Variants in KIF5B observed in about 807,000 individuals in gnomAD.
KIF5B encodes the protein kinesin family member 5B.
A neutral mutation model predicts 132.8 loss-of-function variants in KIF5B; 49 were observed. The ratio of observed to expected loss-of-function variants is 0.37; its 90% CI spans 0.29 to 0.47. The LOEUF is 0.47. Ranked by LOEUF, KIF5B falls within the 20% of genes least tolerant of loss-of-function variation. The pLI, the probability that KIF5B is intolerant of heterozygous loss-of-function variation, is 1.00. For missense variants in KIF5B, 780 were observed against 1,144.0 expected (o/e 0.68, Z 4.59); for synonymous variants, 355 against 369.4 (o/e 0.96, Z 0.45).
At chr10:32,030,594 G>T (rs1841391128) in intron 14 of KIF5B, among the ~76,000 whole-genome samples, 1 of 151,794 alleles carries the variant, frequency 6.6e-6, no homozygotes, top group East Asian at 1.9e-4. Flanking sequence ...TAGTGGAAAT[G>T]TAACAGTAAG....
intron 15 of KIF5B, among the ~76,000 whole-genome samples, chr10:32,024,146 CTTTTTT>C (rs769483155): frequency 1.0e-4 from 7 of 69,750 alleles, no homozygotes; most frequent in South Asian, 6.1e-4. Context: ...ATGAAGAACT[CTTTTTT>C]TTTTTTTTTT....
Position 32,011,264 on chromosome 10 carries a change from CTG to C in KIF5B, c.*271_*272del, listed in dbSNP as rs1207752394. 6.6e-6 allele frequency: 1 copy of C among 152,586 alleles called. No homozygotes were observed. Among genetic ancestry groups the C allele is most frequent in the Admixed American group, 6.5e-5 (1 of 15,278 alleles). The allele number at this position is 152,586 out of a possible 1,614,324, so 9.5% of individuals were successfully genotyped here. A position where few individuals can be genotyped will look rare whatever the true frequency, so the allele number is the denominator to read the frequency against. On this transcript the variant is annotated 3_prime_UTR_variant, in exon 26 of 26. Coordinates refer to ENST00000302418, the MANE Select transcript of KIF5B (RefSeq NM_004521.3). ...CTAAATTTAAGACACGATAGACAAA[CTG>C]TGTAATAAATAGGGCCACAGTTGTA... is the stretch of plus-strand genomic sequence containing the variant.
At chr10:32,017,611 G>A (rs1325134252) in intron 23 of KIF5B, among the ~76,000 whole-genome samples, 1 of 152,106 alleles carries the variant, frequency 6.6e-6, no homozygotes, top group East Asian at 1.9e-4. Context: ...ACTAGGCAAA[G>A]ACAATACATT....
intron 10 of KIF5B, 148 bp downstream of exon 10, chr10:32,035,374 C>T: frequency 1.8e-6 from 1 of 569,662 alleles, no homozygotes; most frequent in Non-Finnish European, 2.9e-6. Context: ...AAAATCAGAC[C>T]CACCTTGTAT....
At position 32,010,744 on chromosome 10, in the gene KIF5B, C is replaced by A. The variant is rs1239044469; in HGVS notation, c.*793G>T. 6 of 152,058 alleles carry A rather than the reference C, an allele frequency of 3.9e-5. No homozygotes were observed. The allele number at this position is 152,058 out of a possible 1,614,324, so 9.4% of individuals were successfully genotyped here. A position where few individuals can be genotyped will look rare whatever the true frequency, so the allele number is the denominator to read the frequency against. The stretch of plus-strand genomic sequence containing the variant: ...CATCAAGACTTGTTGAGTACAGAAT[C>A]AGGAAAAAGAGAAATATAATTCCTT... On this transcript the variant is annotated 3_prime_UTR_variant, in exon 26 of 26. Transcript: ENST00000302418.
intron 19 of KIF5B, among the ~76,000 whole-genome samples, chr10:32,020,401 A>C (rs1433294348): frequency 1.3e-5 from 2 of 152,022 alleles, no homozygotes; most frequent in Non-Finnish European, 2.9e-5. Context: ...AAAACCTTTG[A>C]AAATCCATAG....
At chr10:32,040,573 T>A (rs1336770759) in intron 2 of KIF5B, 116 bp from the exon 3 acceptor site, 5 of 641,950 alleles carry the variant, frequency 7.8e-6, no homozygotes, top group Middle Eastern at 3.6e-4. Flanking sequence ...AATTACTTAA[T>A]GTTACAGGAA....
chr10:32,019,871 G>T lies in KIF5B; in HGVS notation c.2293C>A (p.Leu765Ile). Residue 765 changes from leucine (L) to isoleucine (I), a missense_variant, in exon 20 of 26, where the codon CTA (leucine) becomes ATA (isoleucine). Leu to Ile is a conservative substitution (Grantham distance 5). Transcript: ENST00000302418. ...ACAATTACTCACGTAAGTTCATGTA[G>T]TTTTCTGCTCTTTTCCTGATCTGTG... is the stretch of plus-strand genomic sequence containing the variant. ...KATDQEKSRK[L>I]HELTVMQDRR... The T allele has an allele frequency of 6.2e-7, 1 of 1,603,062 alleles. No individual in the cohort carries two copies. Among genetic ancestry groups the T allele is most frequent in the Non-Finnish European group, 8.5e-7 (1 of 1,173,008 alleles).
Position 32,011,350 on chromosome 10 carries a change from G to C in KIF5B, c.*187C>G, listed in dbSNP as rs1382601055. 1 of 152,564 alleles carries C rather than the reference G, an allele frequency of 6.6e-6. No individual in the cohort carries two copies. The highest frequency in any genetic ancestry group is 2.4e-5 in the African/African-American group (1 of 41,418). The allele number at this position is 152,564 out of a possible 1,614,324, so 9.5% of individuals were successfully genotyped here. A position where few individuals can be genotyped will look rare whatever the true frequency, so the allele number is the denominator to read the frequency against. On this transcript the variant is annotated 3_prime_UTR_variant, in exon 26 of 26. Coordinates refer to ENST00000302418, the MANE Select transcript of KIF5B (RefSeq NM_004521.3). ...TGCACTCTAGTTGTGTTGGGAAGCA[G>C]CAGAGTTTACAAGAAGAGTAGGTAG...
intron 2 of KIF5B, among the ~76,000 whole-genome samples, chr10:32,045,671 A>C (rs984065416): frequency 2.0e-5 from 3 of 152,240 alleles, no homozygotes; most frequent in African/African-American, 4.8e-5. Context: ...GGAAATAAGT[A>C]TACCAAAATT....
intron 10 of KIF5B, among the ~76,000 whole-genome samples, chr10:32,035,213 G>T (rs1483907532): frequency 6.6e-6 from 1 of 152,100 alleles, no homozygotes; most frequent in Non-Finnish European, 1.5e-5. Flanking sequence ...ATGTCTACAG[G>T]CTTAACAGAG....
Position 32,028,567 on chromosome 10 carries a change from G to C in KIF5B, c.1586C>G (p.Thr529Ser). 1.2e-6 allele frequency: 2 copies of C among 1,609,042 alleles called. No individual in the cohort carries two copies. Among genetic ancestry groups the C allele is most frequent in the Non-Finnish European group, 1.7e-6 (2 of 1,178,292 alleles). Residue 529 changes from threonine to serine, a missense_variant, in exon 15 of 26, where the codon ACT (threonine) becomes AGT (serine). Coordinates refer to ENST00000302418, the MANE Select transcript of KIF5B (RefSeq NM_004521.3). ...LSDELNQKSATLASIDAELQK... is the reference protein window; with the variant it reads ...LSDELNQKSASLASIDAELQK... ...AAGCTCAGCATCTATACTCGCTAAA[G>C]TTGCCTAAGAGAACCCAAAACAAAA...
intron 12 of KIF5B, 152 bp downstream of exon 12, chr10:32,033,693 A>G: frequency 1.8e-6 from 1 of 546,534 alleles, no homozygotes; most frequent in South Asian, 2.7e-5. Context: ...TATTTTGTTA[A>G]TACAATAATT....
chr10:32,043,047 GCGCAACCTCGGCTCAC>G (rs1397346407), intron 2 of KIF5B, among the ~76,000 whole-genome samples: 1 of 151,928 alleles, frequency 6.6e-6, no homozygotes, highest in African/African-American at 2.4e-5. Context: ...GAGTGCAGTG[GCGCAACCTCGGCTCAC>G]TGCAACCTCG....
chr10:32,014,526 AAACT>A (rs1232537210), intron 25 of KIF5B, among the ~76,000 whole-genome samples: 2 of 151,200 alleles, frequency 1.3e-5, no homozygotes, highest in Non-Finnish European at 2.9e-5. Flanking sequence ...TTAAATTTAA[AAACT>A]AATACAGAAA....
chr10:32,016,129 C>G (rs551959262), intron 24 of KIF5B, among the ~76,000 whole-genome samples: 7 of 152,032 alleles, frequency 4.6e-5, no homozygotes, highest in Admixed American at 4.6e-4. Flanking sequence ...GGGTGACAAG[C>G]AAGACCCTGT....
chr10:32,026,412 T>C (rs1361319484), intron 15 of KIF5B, among the ~76,000 whole-genome samples: 1 of 112,266 alleles, frequency 8.9e-6, no homozygotes, highest in African/African-American at 3.5e-5. Context: ...CACTCCAGCC[T>C]GGGAGACACA....
chr10:32,055,000 C>T (rs1841734938), intron 1 of KIF5B, among the ~76,000 whole-genome samples: 1 of 152,206 alleles, frequency 6.6e-6, no homozygotes, highest in East Asian at 1.9e-4. Context: ...CAATTTTTAT[C>T]TTTTTTATAA....
intron 2 of KIF5B, among the ~76,000 whole-genome samples, chr10:32,041,306 G>A (rs533940236): frequency 6.6e-6 from 1 of 152,198 alleles, no homozygotes; most frequent in Admixed American, 6.5e-5. Context: ...TCTTAGTGAT[G>A]ACCCATCTAA....
Sources: allele counts gnomAD v4.1 joint callset (sites outside exome capture counted in the v4.1 genomes callset), GRCh38; gene constraint gnomAD v4.1.1; transcripts MANE v1.5; gene names NCBI Gene and HGNC (gene_info 2026-07-23, HGNC 2026-07-21).